MTAP: variants seen among roughly 807,000 people sequenced by gnomAD.
The protein encoded by MTAP is S-methyl-5'-thioadenosine phosphorylase.
Under a neutral mutation model 33.6 loss-of-function variants are expected in MTAP, and 33 were observed. The ratio of observed to expected loss-of-function variants is 0.98; its 90% CI spans 0.74 to 1.31. The LOEUF (loss-of-function observed/expected upper bound fraction) is 1.31, where lower values mean the gene tolerates loss of function less well. Ranked by LOEUF, MTAP falls within the 40% of genes most tolerant of loss-of-function variation. The pLI, the probability that MTAP is intolerant of heterozygous loss-of-function variation, is 0.00. For synonymous variants in MTAP, 148 were observed against 125.7 expected, an observed-to-expected ratio of 1.18 and a Z score of -1.19; for missense variants, 367 against 360.0, an observed-to-expected ratio of 1.02 and a Z score of -0.16.
chr9:21,895,751 G>A (rs1003011676), intron 1 of MTAP, among the ~76,000 whole-genome samples: 10 of 152,222 alleles, frequency 6.6e-5, no homozygotes, highest in South Asian at 2.1e-4. Context: ...AGGCGGCAGC[G>A]AGGCTGGGGG....
At chr9:21,826,195 T>C (rs1824794843) in intron 4 of MTAP, among the ~76,000 whole-genome samples, 1 of 151,978 alleles carries the variant, frequency 6.6e-6, no homozygotes, top group South Asian at 2.1e-4. Context: ...TTTCTTTTTT[T>C]TTTTTTTTAA....
chr9:21,867,959 A>T (rs140309607), downstream of MTAP, among the ~76,000 whole-genome samples: 88 of 152,322 alleles, frequency 5.8e-4, 1 homozygote, highest in African/African-American at 1.9e-3. Context: ...ATATCTGTTT[A>T]TGCACCAGTA....
intron 5 of MTAP, among the ~76,000 whole-genome samples, chr9:21,838,319 G>T (rs549976167): frequency 6.6e-6 from 1 of 152,188 alleles, no homozygotes; most frequent in Non-Finnish European, 1.5e-5. Context: ...TCTGGAGCCA[G>T]ATTACTTAGG....
rs1175485267 is a variant in MTAP, at chr9:21,864,078, T to C, written c.*2064T>C. 1 of 985,312 alleles carries C rather than the reference T, an allele frequency of 1.0e-6. No homozygotes were observed. Among genetic ancestry groups the C allele is most frequent in the Non-Finnish European group, 1.2e-6 (1 of 829,918 alleles). The allele number at this position is 985,312 out of a possible 1,614,324, so 61.0% of individuals were successfully genotyped here. A position where few individuals can be genotyped will look rare whatever the true frequency, so the allele number is the denominator to read the frequency against. Reference sequence around the variant, plus strand: ...TACTTTTCCTCATTCTTAATAGGTGTCTAAGAATGTCAGGGCAAAAGTATG... The same window carrying C: ...TACTTTTCCTCATTCTTAATAGGTGCCTAAGAATGTCAGGGCAAAAGTATG... On this transcript the variant is annotated 3_prime_UTR_variant, in exon 8 of 8. Coordinates refer to ENST00000644715, the MANE Select transcript of MTAP (RefSeq NM_002451.4).
At chr9:21,915,089 C>CT (rs1243573788) in intron 1 of MTAP, among the ~76,000 whole-genome samples, 2 of 124,094 alleles carry the variant, frequency 1.6e-5, no homozygotes, top group African/African-American at 7.6e-5. Context: ...TCTTTCCTTT[C>CT]TTTCTTTTCT....
chr9:21,889,831 G>A (rs1407396329), intron 1 of MTAP, among the ~76,000 whole-genome samples: 1 of 152,168 alleles, frequency 6.6e-6, no homozygotes, highest in Non-Finnish European at 1.5e-5. Flanking sequence ...AAGGTCCTTG[G>A]TTGTATGTTT....
At chr9:21,917,380 G>C (rs1818707868) in intron 1 of MTAP, among the ~76,000 whole-genome samples, 1 of 152,190 alleles carries the variant, frequency 6.6e-6, no homozygotes, top group Non-Finnish European at 1.5e-5. Flanking sequence ...AGAGACGAAA[G>C]CAAGGCCTAC....
intron 1 of MTAP, among the ~76,000 whole-genome samples, chr9:21,927,463 G>A (rs1818888117): frequency 1.3e-5 from 2 of 152,218 alleles, no homozygotes; most frequent in Admixed American, 6.5e-5. Context: ...GGTAACAGTT[G>A]AGTGGTGTTC....
chr9:21,844,932 C>T (rs201770378), intron 5 of MTAP, among the ~76,000 whole-genome samples: 6 of 151,386 alleles, frequency 4.0e-5, no homozygotes, highest in Non-Finnish European at 7.4e-5. Flanking sequence ...CTCGGGAGGC[C>T]GAGGCAGTGA....
chr9:21,816,427 G>C (rs1824476342), intron 2 of MTAP, among the ~76,000 whole-genome samples: 1 of 152,070 alleles, frequency 6.6e-6, no homozygotes, highest in African/African-American at 2.4e-5. Context: ...ATCTAAATTT[G>C]ACCAGTCTAC....
intron 4 of MTAP, among the ~76,000 whole-genome samples, chr9:21,821,515 G>A (rs541484725): frequency 1.3e-3 from 203 of 152,312 alleles, no homozygotes; most frequent in South Asian, 8.5e-3. Context: ...TGTGCTGCTG[G>A]ATTCAGTTTG....
Position 21,818,063 on chromosome 9 carries a change from T to G in MTAP, c.208T>G (p.Ser70Ala). The G allele has an allele frequency of 1.2e-6, 2 of 1,613,384 alleles. No homozygotes were observed. The highest frequency in any genetic ancestry group is 2.2e-5 in the South Asian group (2 of 90,852). The change falls in exon 4 of 8, where the codon TCA (serine) becomes GCA (alanine). Residue 70 changes from serine (S) to alanine (A), a missense_variant. By Grantham distance (99) the Ser-to-Ala change is moderately conservative. Coordinates refer to ENST00000644715, the MANE Select transcript of MTAP (RefSeq NM_002451.4). ...TGGAAGGCAGCACACCATCATGCCTTCAAAGGTCAACTACCAGGCGAACAT... is the reference window on the plus strand; with the variant it reads ...TGGAAGGCAGCACACCATCATGCCTGCAAAGGTCAACTACCAGGCGAACAT... ...RHGRQHTIMP[S>A]KVNYQANIWA...
chr9:21,855,272 C>T (rs371419178), intron 6 of MTAP, among the ~76,000 whole-genome samples: 6 of 152,232 alleles, frequency 3.9e-5, no homozygotes, highest in South Asian at 4.2e-4. Context: ...TTTAACGTAC[C>T]GTGGCTGGAT....
intron 1 of MTAP, among the ~76,000 whole-genome samples, chr9:21,910,500 A>G (rs1818554586): frequency 6.6e-6 from 1 of 152,168 alleles, no homozygotes; most frequent in African/African-American, 2.4e-5. Context: ...AGAGAAGACA[A>G]TTCTATATCC....
At chr9:21,940,539 C>T (rs578201154), downstream of MTAP, among the ~76,000 whole-genome samples, 17 of 152,252 alleles carry the variant, frequency 1.1e-4, no homozygotes, top group African/African-American at 3.9e-4. Context: ...TAATTTCCTC[C>T]AGTATCTGGC....
chr9:21,829,740 T>C (rs1232306519), intron 4 of MTAP, among the ~76,000 whole-genome samples: 2 of 152,240 alleles, frequency 1.3e-5, no homozygotes, highest in African/African-American at 4.8e-5. Context: ...ATCATTTTCT[T>C]TTCCTTCAGT....
chr9:21,874,003 T>G (rs1352263932), intron 1 of MTAP, among the ~76,000 whole-genome samples: 2 of 152,178 alleles, frequency 1.3e-5, no homozygotes, highest in Non-Finnish European at 2.9e-5. Context: ...TATAGATGAC[T>G]CAGTCTTAAA....
At chr9:21,811,874 C>T in intron 1 of MTAP, 1 of 411,466 alleles carries the variant, frequency 2.4e-6, no homozygotes, top group Non-Finnish European at 4.9e-6. Flanking sequence ...ACATCTTTAG[C>T]CCTGAGGGTG....
intron 1 of MTAP, among the ~76,000 whole-genome samples, chr9:21,880,334 A>T (rs1454637888): frequency 6.6e-6 from 1 of 152,082 alleles, no homozygotes; most frequent in Non-Finnish European, 1.5e-5. Flanking sequence ...CATAAACTAA[A>T]CCTCTATTCA....
Sources: allele counts gnomAD v4.1 joint callset (sites outside exome capture counted in the v4.1 genomes callset), GRCh38; gene constraint gnomAD v4.1.1; transcripts MANE v1.5; gene names NCBI Gene and HGNC (gene_info 2026-07-23, HGNC 2026-07-21).